WDR41: variants seen among roughly 807,000 people sequenced by gnomAD.
The protein encoded by WDR41 is WD repeat-containing protein 41.
A neutral mutation model predicts 69.3 loss-of-function variants in WDR41; 63 were observed. The observed-to-expected ratio is 0.91, with a 90% confidence interval of 0.74 to 1.12. WDR41 has a LOEUF of 1.12. Ranked by LOEUF, WDR41 falls within the 50% of genes most tolerant of loss-of-function variation. The pLI, the probability that WDR41 is intolerant of heterozygous loss-of-function variation, is 0.00. For synonymous variants in WDR41, 185 were observed against 192.1 expected (o/e 0.96, Z 0.31); for missense variants, 543 against 534.5 (o/e 1.02, Z -0.16).
intron 1 of WDR41, among the ~76,000 whole-genome samples, chr5:77,577,170 A>G (rs369844495): frequency 6.6e-6 from 1 of 152,124 alleles, no homozygotes; most frequent in African/African-American, 2.4e-5. Flanking sequence ...AGCTTGGGTC[A>G]TATGTCACTT....
At chr5:77,445,152 AC>A (rs1799329746) in intron 8 of WDR41, among the ~76,000 whole-genome samples, 1 of 152,134 alleles carries the variant, frequency 6.6e-6, no homozygotes, top group African/African-American at 2.4e-5. Flanking sequence ...TACTATAAAC[AC>A]CTCTACACAA....
At chr5:77,474,827 T>A (rs1401135715) in intron 2 of WDR41, among the ~76,000 whole-genome samples, 1 of 152,086 alleles carries the variant, frequency 6.6e-6, no homozygotes, top group Non-Finnish European at 1.5e-5. Context: ...GATGGCCCAA[T>A]AGGAACAGCT....
intron 2 of WDR41, among the ~76,000 whole-genome samples, chr5:77,471,872 C>G (rs1800634109): frequency 6.6e-6 from 1 of 152,170 alleles, no homozygotes; most frequent in Admixed American, 6.5e-5. Context: ...GGTACCATTC[C>G]TTCTGAAACT....
chr5:77,552,476 A>G (rs1743317158), intron 1 of WDR41, among the ~76,000 whole-genome samples: 1 of 152,236 alleles, frequency 6.6e-6, no homozygotes, highest in East Asian at 1.9e-4. Flanking sequence ...AAATTGGTCT[A>G]TAGTTTAGTG....
At chr5:77,462,420 A>AAAC (rs1302422608) in intron 4 of WDR41, among the ~76,000 whole-genome samples, 1 of 151,560 alleles carries the variant, frequency 6.6e-6, no homozygotes, top group African/African-American at 2.4e-5. Context: ...AAAAAAAAAA[A>AAAC]AAAAAAAGAA....
chr5:77,615,591 C>A (rs1442269442), intron 1 of WDR41, among the ~76,000 whole-genome samples: 1 of 145,284 alleles, frequency 6.9e-6, no homozygotes, highest in African/African-American at 2.6e-5. Flanking sequence ...TACCATAAAC[C>A]AAGGCAATAA....
intron 2 of WDR41, among the ~76,000 whole-genome samples, chr5:77,476,430 C>T (rs374551143): frequency 3.0e-4 from 46 of 152,122 alleles, no homozygotes; most frequent in African/African-American, 9.2e-4. Flanking sequence ...AGAGAAAGGT[C>T]GGGTTACCCT....
intron 9 of WDR41, 23 bp from the exon 10 acceptor site, chr5:77,438,384 G>A (rs758207078): frequency 2.5e-6 from 4 of 1,612,806 alleles, no homozygotes; most frequent in Non-Finnish European, 2.5e-6. Flanking sequence ...GTTCAGAAAT[G>A]GGCATAAAAC....
In WDR41 at chr5:77,463,152, T is replaced by C. The variant is rs769014320; in HGVS notation, c.291A>G (p.Glu97=). 1 of 1,612,748 alleles carries C rather than the reference T, an allele frequency of 6.2e-7. No homozygotes were observed. The highest frequency in any genetic ancestry group is 8.5e-7 in the Non-Finnish European group (1 of 1,179,364). ...TGAGTTGATTTTTCTCTTCACAAGA[T>C]TCCAAGGAAGGAAATGTAATAATAG... ...ITAIITFPSL[E]SCEEKNQLIL... The change falls in exon 4 of 13, where the codon GAA becomes GAG. Residue 97 remains glutamate, a synonymous_variant. Transcript: ENST00000296679.
At chr5:77,535,687 C>T (rs1276239584) in intron 1 of WDR41, among the ~76,000 whole-genome samples, 1 of 152,152 alleles carries the variant, frequency 6.6e-6, no homozygotes, top group Admixed American at 6.5e-5. Flanking sequence ...CTCACAAAAA[C>T]CATCTTTTTT....
At chr5:77,436,153 T>G in intron 12 of WDR41, 108 bp downstream of exon 12, 1 of 1,410,490 alleles carries the variant, frequency 7.1e-7, no homozygotes. Context: ...GACAAACACC[T>G]ACAGATATAA....
chr5:77,586,681 T>C (rs934170567), intron 1 of WDR41, among the ~76,000 whole-genome samples: 16 of 151,652 alleles, frequency 1.1e-4, no homozygotes, highest in African/African-American at 2.4e-4. Context: ...TTTTGAAACA[T>C]GCATGAAATC....
At chr5:77,534,342 G>A (rs941265883) in intron 1 of WDR41, among the ~76,000 whole-genome samples, 8 of 151,908 alleles carry the variant, frequency 5.3e-5, no homozygotes, top group African/African-American at 1.5e-4. Flanking sequence ...GGGGGGCGGC[G>A]GGGAAAGACC....
chr5:77,546,210 A>T lies in WDR41; in HGVS notation c.43-56638T>A, dbSNP rs540690150. 1.5e-4 allele frequency: 63 copies of T among 414,628 alleles called. 1 individual carries two copies. Among genetic ancestry groups the T allele is most frequent in the African/African-American group, 1.2e-3 (60 of 48,810 alleles). The allele number at this position is 414,628 out of a possible 1,614,324, so 25.7% of individuals were successfully genotyped here. A position where few individuals can be genotyped will look rare whatever the true frequency, so the allele number is the denominator to read the frequency against. On this transcript the variant is annotated intron_variant, in intron 1 of 5. Coordinates refer to the WDR41 transcript ENST00000509971. ...GTAATTCACTGACCACCTCGTCAAGACCCACTCTAGAGTCTCCGTGCAAAG... is the reference window on the plus strand; with the variant it reads ...GTAATTCACTGACCACCTCGTCAAGTCCCACTCTAGAGTCTCCGTGCAAAG...
rs1317774731 is a variant in WDR41, at chr5:77,431,331, TTA to T, written c.*1802_*1803del. 6.6e-5 allele frequency: 10 copies of T among 152,512 alleles called. No homozygotes were observed. Among genetic ancestry groups the T allele is most frequent in the Admixed American group, 3.9e-4 (6 of 15,278 alleles). 9.4% of individuals were successfully genotyped at this position (152,512 alleles called of 1,614,324 possible). ...TCAAGACCCTCCACCAGCAAAAAGATTATGACTCGCTGAAGGCTCAGATGATT... is the reference window on the plus strand; with the variant it reads ...TCAAGACCCTCCACCAGCAAAAAGATTGACTCGCTGAAGGCTCAGATGATT... On this transcript the variant is annotated 3_prime_UTR_variant, in exon 13 of 13. Coordinates refer to ENST00000296679, the MANE Select transcript of WDR41 (RefSeq NM_018268.4).
At chr5:77,491,013 T>G (rs141394351) in intron 1 of WDR41, among the ~76,000 whole-genome samples, 1 of 152,348 alleles carries the variant, frequency 6.6e-6, no homozygotes, top group Non-Finnish European at 1.5e-5. Context: ...TCTGTTCTTG[T>G]CAGGCCTCTG....
intron 1 of WDR41, among the ~76,000 whole-genome samples, chr5:77,506,034 A>C (rs1370393962): frequency 2.6e-5 from 4 of 152,318 alleles, no homozygotes; most frequent in African/African-American, 9.6e-5. Flanking sequence ...AAAATAGACA[A>C]ATGAGATCTA....
At chr5:77,442,752 C>T (rs933650347) in intron 8 of WDR41, among the ~76,000 whole-genome samples, 8 of 151,256 alleles carry the variant, frequency 5.3e-5, no homozygotes, top group Admixed American at 5.3e-4. Flanking sequence ...ATTAGGTGGG[C>T]GTGGTGGTGG....
chr5:77,616,641 T>C (rs147017055), intron 1 of WDR41, among the ~76,000 whole-genome samples: 240 of 152,324 alleles, frequency 1.6e-3, no homozygotes, highest in African/African-American at 5.3e-3. Flanking sequence ...CTTCAAGTCG[T>C]AGTTTCTCTC....
Sources: allele counts gnomAD v4.1 joint callset (sites outside exome capture counted in the v4.1 genomes callset), GRCh38; gene constraint gnomAD v4.1.1; transcripts MANE v1.5; gene names NCBI Gene and HGNC (gene_info 2026-07-23, HGNC 2026-07-21).